The following NXPE4 variants were observed in gnomAD, a reference collection of about 807,000 sequenced individuals.
NXPE4 encodes the protein NXPE family member 4.
Under a neutral mutation model 33.3 loss-of-function variants are expected in NXPE4, and 42 were observed. The ratio of observed to expected loss-of-function variants is 1.26; its 90% CI spans 0.98 to 1.63. The LOEUF (loss-of-function observed/expected upper bound fraction) is 1.63, where lower values mean the gene tolerates loss of function less well. Among genes scored for constraint, NXPE4 ranks in the 40% most tolerant of loss-of-function variants. The probability of loss-of-function intolerance (pLI) is 0.00; values close to 1 mark genes in which losing one functional copy is unlikely to be tolerated. For missense variants in NXPE4, 709 were observed against 647.6 expected, an observed-to-expected ratio of 1.09 and a Z score of -1.03; for synonymous variants, 253 against 234.9, an observed-to-expected ratio of 1.08 and a Z score of -0.71.
the NXPE4 span, among the ~76,000 whole-genome samples, chr11:114,648,458 G>C: frequency 6.6e-6 from 1 of 152,288 alleles, no homozygotes; most frequent in Non-Finnish European, 1.5e-5. Context: ...TCACAAATTG[G>C]ATGAGGCTCA....
chr11:114,607,642 G>C, the NXPE4 span, among the ~76,000 whole-genome samples: 1 of 151,204 alleles, frequency 6.6e-6, no homozygotes, highest in Non-Finnish European at 1.5e-5. Context: ...GTTGCCTCGC[G>C]GTTAACCACT....
the NXPE4 span, among the ~76,000 whole-genome samples, chr11:114,624,878 A>T: frequency 1.4e-5 from 2 of 144,678 alleles, no homozygotes; most frequent in East Asian, 2.2e-4. Flanking sequence ...AAACCACTGT[A>T]ACCTGGTGGA....
upstream of NXPE4, among the ~76,000 whole-genome samples, chr11:114,597,593 G>T (rs1178762840): frequency 1.3e-5 from 2 of 152,116 alleles, no homozygotes; most frequent in East Asian, 3.9e-4. Context: ...TAGAAGCAAT[G>T]ACACCTAGTG....
At chr11:114,652,591 ATATGTTAACT>A in the NXPE4 span, among the ~76,000 whole-genome samples, 1 of 152,224 alleles carries the variant, frequency 6.6e-6, no homozygotes, top group Non-Finnish European at 1.5e-5. Context: ...GTTGCTCGAC[ATATGTTAACT>A]GTTATTGTCA....
the NXPE4 span, among the ~76,000 whole-genome samples, chr11:114,607,952 C>T: frequency 4.0e-5 from 6 of 151,614 alleles, no homozygotes; most frequent in Non-Finnish European, 8.8e-5. Context: ...CCACTGTTAC[C>T]CAGTGGATAA....
the NXPE4 span, among the ~76,000 whole-genome samples, chr11:114,651,824 T>C: frequency 2.0e-5 from 3 of 152,292 alleles, no homozygotes; most frequent in Non-Finnish European, 4.4e-5. Flanking sequence ...GCATTTACAA[T>C]CCTTTAGCTA....
the NXPE4 span, among the ~76,000 whole-genome samples, chr11:114,627,341 C>G: frequency 6.6e-6 from 1 of 152,190 alleles, no homozygotes; most frequent in African/African-American, 2.4e-5. Context: ...CTCTACAAGC[C>G]AGAAGAGAGT....
intron 2 of NXPE4, among the ~76,000 whole-genome samples, chr11:114,588,554 A>G (rs541321060): frequency 1.3e-5 from 2 of 152,326 alleles, no homozygotes; most frequent in South Asian, 2.1e-4. Flanking sequence ...AAAAAAGAAT[A>G]TAGAGAAAAT....
the NXPE4 span, among the ~76,000 whole-genome samples, chr11:114,622,410 C>T: frequency 1.3e-5 from 2 of 151,648 alleles, no homozygotes; most frequent in Non-Finnish European, 2.9e-5. Context: ...ACCACTGTTA[C>T]CCGGTGTATA....
chr11:114,634,678 A>G, the NXPE4 span, among the ~76,000 whole-genome samples: 3 of 152,066 alleles, frequency 2.0e-5, no homozygotes, highest in African/African-American at 4.8e-5. Context: ...AGCTTTCTAC[A>G]TATCGCTAGT....
chr11:114,613,330 G>T, the NXPE4 span, among the ~76,000 whole-genome samples: 1 of 151,360 alleles, frequency 6.6e-6, no homozygotes, highest in African/African-American at 2.4e-5. Context: ...ACTGTTACCC[G>T]ATGGATAATA....
chr11:114,654,117 C>T, the NXPE4 span, among the ~76,000 whole-genome samples: 7 of 152,062 alleles, frequency 4.6e-5, no homozygotes, highest in Non-Finnish European at 1.0e-4. Context: ...GGAAAGTAGA[C>T]CCCACAGTGG....
intron 5 of NXPE4, among the ~76,000 whole-genome samples, chr11:114,574,056 G>C (rs1436106122): frequency 1.3e-5 from 2 of 151,964 alleles, no homozygotes; most frequent in East Asian, 1.9e-4. Context: ...GCTCCAAAAG[G>C]AACCCTCAAA....
At chr11:114,637,011 G>A in the NXPE4 span, among the ~76,000 whole-genome samples, 1 of 152,080 alleles carries the variant, frequency 6.6e-6, no homozygotes, top group East Asian at 1.9e-4. Context: ...CAATTCCTGG[G>A]TATCGTTGTT....
intron 4 of NXPE4, 37 bp downstream of exon 4, chr11:114,581,688 G>T (rs753784668): frequency 1.3e-6 from 2 of 1,530,458 alleles, no homozygotes; most frequent in Non-Finnish European, 1.8e-6. Context: ...AATGGGTCTA[G>T]AACTAGGCAC....
chr11:114,648,405 C>T, the NXPE4 span, among the ~76,000 whole-genome samples: 2 of 152,274 alleles, frequency 1.3e-5, no homozygotes, highest in South Asian at 2.1e-4. Flanking sequence ...GAAGAATTCT[C>T]TCTTACTCAG....
upstream of NXPE4, among the ~76,000 whole-genome samples, chr11:114,596,995 A>G (rs1236307005): frequency 2.0e-5 from 3 of 152,218 alleles, no homozygotes; most frequent in Admixed American, 1.3e-4. Context: ...GATCTCTAAC[A>G]CTGTGTGTTT....
chr11:114,651,338 T>C, the NXPE4 span, among the ~76,000 whole-genome samples: 3 of 151,956 alleles, frequency 2.0e-5, no homozygotes, highest in African/African-American at 7.2e-5. Flanking sequence ...CTCGTTAAGG[T>C]GGCACGTCCG....
chr11:114,618,887 G>A, the NXPE4 span, among the ~76,000 whole-genome samples: 1 of 151,980 alleles, frequency 6.6e-6, no homozygotes, highest in Admixed American at 6.6e-5. Context: ...GGTCACCACT[G>A]TTACCCGGAG....
Sources: gnomAD v4.1 joint callset for allele counts (sites outside exome capture counted in the v4.1 genomes callset) on GRCh38, gnomAD v4.1.1 for gene constraint, MANE v1.5 for transcripts, NCBI Gene and HGNC (gene_info 2026-07-23, HGNC 2026-07-21) for gene names.